The following SUGCT variants were observed in gnomAD, a reference collection of about 807,000 sequenced individuals.
The protein encoded by SUGCT is succinyl-CoA:glutarate CoA-transferase.
SUGCT carries 41 observed loss-of-function variants against 55.0 expected under a neutral mutation model. That is an observed-to-expected ratio of 0.74 (90% confidence interval 0.58 to 0.97). The LOEUF (loss-of-function observed/expected upper bound fraction) is 0.97. SUGCT is among the 50% of genes least tolerant of loss of function. The probability of loss-of-function intolerance (pLI) is 0.00; values close to 1 mark genes in which losing one functional copy is unlikely to be tolerated. For synonymous variants in SUGCT, 187 were observed against 200.4 expected, an observed-to-expected ratio of 0.93 and a Z score of 0.56; for missense variants, 568 against 547.8, an observed-to-expected ratio of 1.04 and a Z score of -0.37.
At chr7:40,201,849 T>C (rs759526981) in intron 6 of SUGCT, among the ~76,000 whole-genome samples, 1 of 152,236 alleles carries the variant, frequency 6.6e-6, no homozygotes, top group African/African-American at 2.4e-5. Flanking sequence ...TTGGACTTAC[T>C]GGAGTACCAC....
At chr7:41,027,873 C>G in the SUGCT span, among the ~76,000 whole-genome samples, 2 of 152,124 alleles carry the variant, frequency 1.3e-5, no homozygotes, top group African/African-American at 4.8e-5. Context: ...TCACAACATG[C>G]GGGGGCTCCA....
intron 12 of SUGCT, among the ~76,000 whole-genome samples, chr7:40,648,829 C>A (rs1800643912): frequency 6.6e-6 from 1 of 152,122 alleles, no homozygotes; most frequent in Non-Finnish European, 1.5e-5. Flanking sequence ...TTCTTCAGAG[C>A]CTTCAGAGGG....
intron 7 of SUGCT, among the ~76,000 whole-genome samples, chr7:40,243,968 T>A (rs1789640167): frequency 6.6e-6 from 1 of 151,858 alleles, no homozygotes. Flanking sequence ...AGGTTAGGAG[T>A]TCGAGACCAG....
At chr7:40,492,865 A>G (rs914070322) in intron 11 of SUGCT, among the ~76,000 whole-genome samples, 1 of 152,150 alleles carries the variant, frequency 6.6e-6, no homozygotes, top group Non-Finnish European at 1.5e-5. Context: ...TGTGTTCTCC[A>G]TTAGACTATA....
chr7:40,315,838 G>T (rs1795398811), intron 8 of SUGCT, among the ~76,000 whole-genome samples: 1 of 152,038 alleles, frequency 6.6e-6, no homozygotes, highest in Non-Finnish European at 1.5e-5. Context: ...TTCTTTTCTG[G>T]AATCCATGGA....
At chr7:40,828,627 A>T (rs1411586848) in intron 13 of SUGCT, among the ~76,000 whole-genome samples, 2 of 152,046 alleles carry the variant, frequency 1.3e-5, no homozygotes, top group Admixed American at 6.6e-5. Flanking sequence ...AAAAAAAGAT[A>T]CAAAAGAATA....
the SUGCT span, chr7:40,965,387 T>C: frequency 6.6e-6 from 1 of 152,264 alleles, no homozygotes; most frequent in African/African-American, 2.4e-5. Flanking sequence ...CTGCCTCTTC[T>C]TTCTTTCTTT....
chr7:40,410,536 A>G (rs758002671), intron 9 of SUGCT, among the ~76,000 whole-genome samples: 6 of 152,020 alleles, frequency 3.9e-5, no homozygotes, highest in East Asian at 1.9e-4. Flanking sequence ...TTATTTTAGC[A>G]GCTATTTTGG....
chr7:40,275,912 C>T (rs929353303), intron 8 of SUGCT, among the ~76,000 whole-genome samples: 5 of 152,102 alleles, frequency 3.3e-5, no homozygotes, highest in South Asian at 2.1e-4. Context: ...ATAATTTTTC[C>T]GTGATAGAAA....
rs1005780066 is a variant in SUGCT, at chr7:40,688,724, A to G, written c.1090-60710A>G. 3.9e-5 allele frequency among the ~76,000 whole-genome samples: 6 copies of G among 152,094 alleles called. No individual in the cohort carries two copies. In the East Asian group the frequency reaches 1.2e-3, roughly 29 times the overall value. ...GTTAGGGCTAACTTTCCCCTTTTGA[A>G]AAATGTTTCTCTGCATGTTACACAT... On this transcript the variant is annotated intron_variant, in intron 12 of 13. Coordinates refer to ENST00000335693, the MANE Select transcript of SUGCT (RefSeq NM_001193313.2).
intron 9 of SUGCT, among the ~76,000 whole-genome samples, chr7:40,404,840 GC>G (rs1329674048): frequency 6.6e-6 from 1 of 152,210 alleles, no homozygotes; most frequent in African/African-American, 2.4e-5. Flanking sequence ...GGTCAACAAA[GC>G]CTGTTCAGTA....
intron 12 of SUGCT, among the ~76,000 whole-genome samples, chr7:40,565,958 C>G (rs1397086041): frequency 6.7e-6 from 1 of 149,344 alleles, no homozygotes; most frequent in Non-Finnish European, 1.5e-5. Flanking sequence ...GTGATCAACA[C>G]CTGGCATATC....
At chr7:40,484,308 G>A (rs1467630875) in intron 11 of SUGCT, among the ~76,000 whole-genome samples, 2 of 152,022 alleles carry the variant, frequency 1.3e-5, no homozygotes, top group Non-Finnish European at 2.9e-5. Flanking sequence ...TTTTCTCACA[G>A]CATTCTTGAA....
chr7:40,178,514 TAGAG>T (rs1785030980), intron 1 of SUGCT, among the ~76,000 whole-genome samples: 1 of 152,158 alleles, frequency 6.6e-6, no homozygotes, highest in African/African-American at 2.4e-5. Context: ...TTTAGAATTT[TAGAG>T]AGAAAGAATT....
chr7:40,840,329 G>A (rs1308701555), intron 13 of SUGCT, among the ~76,000 whole-genome samples: 2 of 152,028 alleles, frequency 1.3e-5, no homozygotes, highest in Non-Finnish European at 1.5e-5. Flanking sequence ...TTTGGGTGGA[G>A]GTCAGTCCTG....
At chr7:40,249,323 A>ATATATCTATATC (rs1562612040) in intron 7 of SUGCT, among the ~76,000 whole-genome samples, 1 of 91,790 alleles carries the variant, frequency 1.1e-5, no homozygotes, top group Non-Finnish European at 2.5e-5. Flanking sequence ...CTATATATAT[A>ATATATCTATATC]TATATATATA....
At chr7:40,870,351 C>A in the SUGCT span, among the ~76,000 whole-genome samples, 2 of 152,122 alleles carry the variant, frequency 1.3e-5, no homozygotes, top group African/African-American at 4.8e-5. Flanking sequence ...AGTGGTGTAA[C>A]ATCTTCTCTC....
chr7:40,342,515 C>G (rs1797107374), intron 9 of SUGCT, among the ~76,000 whole-genome samples: 2 of 152,102 alleles, frequency 1.3e-5, no homozygotes, highest in Non-Finnish European at 2.9e-5. Context: ...GCATAGAATA[C>G]TTGGTATTTC....
intron 9 of SUGCT, among the ~76,000 whole-genome samples, chr7:40,384,473 C>T (rs1785017385): frequency 6.6e-6 from 1 of 151,902 alleles, no homozygotes; most frequent in South Asian, 2.1e-4. Flanking sequence ...CACAGGTTCC[C>T]TGTGGTTTGT....
Sources: gnomAD v4.1 joint callset for allele counts (sites outside exome capture counted in the v4.1 genomes callset) on GRCh38, gnomAD v4.1.1 for gene constraint, MANE v1.5 for transcripts, NCBI Gene and HGNC (gene_info 2026-07-23, HGNC 2026-07-21) for gene names.